Variants in SAE1 observed in about 807,000 individuals in gnomAD.
The protein encoded by SAE1 is SUMO1 activating enzyme subunit 1, also known as SUMO-activating enzyme subunit 1.
In SAE1, 11 loss-of-function variants were observed where a neutral mutation model predicts 40.6. The ratio of observed to expected loss-of-function variants is 0.27; its 90% CI spans 0.17 to 0.45. The LOEUF (loss-of-function observed/expected upper bound fraction) is 0.45. Among genes scored for constraint, SAE1 ranks in the 20% least tolerant of loss-of-function variants. SAE1 has a pLI of 1.00. For synonymous variants in SAE1, 155 were observed against 154.3 expected (o/e 1.00, Z -0.03); for missense variants, 373 against 427.3 (o/e 0.87, Z 1.12).
chr19:47,183,485 T>G (rs1204714756), intron 6 of SAE1, among the ~76,000 whole-genome samples: 2 of 152,174 alleles, frequency 1.3e-5, no homozygotes, highest in South Asian at 2.1e-4. Flanking sequence ...TTATGATGAT[T>G]ATTTTGTCTA....
At chr19:47,194,899 C>T (rs747115514) in intron 6 of SAE1, among the ~76,000 whole-genome samples, 11 of 152,004 alleles carry the variant, frequency 7.2e-5, no homozygotes, top group Non-Finnish European at 1.3e-4. Context: ...TGCGCCACCA[C>T]GCCTGGCTAA....
chr19:47,205,777 G>A (rs1042915048), intron 8 of SAE1, among the ~76,000 whole-genome samples: 12 of 152,194 alleles, frequency 7.9e-5, no homozygotes, highest in African/African-American at 2.9e-4. Flanking sequence ...GCCCTATGAG[G>A]TAGGAACTCC....
At chr19:47,195,406 T>G (rs2058607352) in intron 6 of SAE1, among the ~76,000 whole-genome samples, 1 of 152,210 alleles carries the variant, frequency 6.6e-6, no homozygotes, top group Non-Finnish European at 1.5e-5. Flanking sequence ...AGTTATAGCC[T>G]TGTTGGGGTC....
At chr19:47,180,312 G>A (rs763107729) in intron 6 of SAE1, 1 of 455,802 alleles carries the variant, frequency 2.2e-6, no homozygotes, top group South Asian at 1.5e-5. Context: ...AGGTGAGCTT[G>A]GAATATCCTG....
intron 1 of SAE1, among the ~76,000 whole-genome samples, chr19:47,131,585 C>T (rs1459780535): frequency 6.6e-6 from 1 of 150,648 alleles, no homozygotes; most frequent in African/African-American, 2.4e-5. Context: ...CTCGGAGAGG[C>T]TGGAGGGGGA....
intron 5 of SAE1, among the ~76,000 whole-genome samples, chr19:47,160,388 ATTTTTT>A (rs34266912): frequency 2.7e-5 from 2 of 75,080 alleles, no homozygotes; most frequent in Non-Finnish European, 2.7e-5. Context: ...CGCCCAGCTA[ATTTTTT>A]TTTTTTTTTT....
intron 5 of SAE1, among the ~76,000 whole-genome samples, chr19:47,166,710 C>G (rs991234680): frequency 6.6e-6 from 1 of 152,104 alleles, no homozygotes; most frequent in Admixed American, 6.5e-5. Context: ...GATGGCATTC[C>G]CAGACCATAT....
intron 5 of SAE1, among the ~76,000 whole-genome samples, chr19:47,162,182 G>A (rs1460272293): frequency 6.6e-6 from 1 of 152,024 alleles, no homozygotes; most frequent in African/African-American, 2.4e-5. Flanking sequence ...TTTTATTTTT[G>A]TTTTTTGCTA....
chr19:47,174,108 A>C (rs1049907204), intron 6 of SAE1, among the ~76,000 whole-genome samples: 1 of 151,814 alleles, frequency 6.6e-6, no homozygotes, highest in Non-Finnish European at 1.5e-5. Flanking sequence ...TCCATCCCTC[A>C]GTGGGTATTA....
chr19:47,136,798 A>T (rs1317352827), intron 1 of SAE1, among the ~76,000 whole-genome samples: 1 of 152,072 alleles, frequency 6.6e-6, no homozygotes, highest in Non-Finnish European at 1.5e-5. Context: ...CCTTCACCTG[A>T]GTCTTATAGC....
Position 47,160,370 on chromosome 19 carries a change from C to A in SAE1, c.627+5157C>A, listed in dbSNP as rs140785718. Among the ~76,000 whole-genome samples the A allele has an allele frequency of 9.6e-4, 143 of 148,968 alleles. No homozygotes were observed. In the East Asian group the frequency reaches 0.022, roughly 23 times the overall value. On this transcript the variant is annotated intron_variant, in intron 5 of 8. Coordinates refer to ENST00000270225, the MANE Select transcript of SAE1 (RefSeq NM_005500.3). The stretch of plus-strand genomic sequence containing the variant: ...CCGAGTAGCTGGAACTACAGGTGCG[C>A]GCCACCACGCCCAGCTAATTTTTTT...
chr19:47,179,882 G>A (rs1407864136), intron 6 of SAE1, among the ~76,000 whole-genome samples: 2 of 152,084 alleles, frequency 1.3e-5, no homozygotes, highest in Non-Finnish European at 2.9e-5. Flanking sequence ...CACAGTGATA[G>A]GGGTTAGCAA....
rs769656956 is a variant in SAE1 at position 47,165,076 on chromosome 19, CTTTTTTTTTTT to C, written c.628-4727_628-4717del. Among the ~76,000 whole-genome samples the C allele has an allele frequency of 1.5e-4, 9 of 59,074 alleles. 1 individual carries two copies. In the South Asian group the frequency reaches 4.6e-3, roughly 30 times the overall value. 38.8% of individuals were successfully genotyped at this position (59,074 alleles called of 152,430 possible). On this transcript the variant is annotated intron_variant, in intron 5 of 8. Coordinates refer to ENST00000270225, the MANE Select transcript of SAE1 (RefSeq NM_005500.3). ...CTGGGATTACAGGCATGAGCCAAGTCTTTTTTTTTTTTTTTTTTTTTTTTTGAGACGGAGTC... is the reference window on the plus strand; with the variant it reads ...CTGGGATTACAGGCATGAGCCAAGTCTTTTTTTTTTTTTTGAGACGGAGTC...
At position 47,166,440 on chromosome 19, in the gene SAE1, T is replaced by C. The variant is rs2058392779; in HGVS notation, c.628-3378T>C. Among the ~76,000 whole-genome samples, 2 of 152,152 alleles carry C rather than the reference T, an allele frequency of 1.3e-5. 1 individual carries two copies. Among genetic ancestry groups the C allele is most frequent in the South Asian group, 4.1e-4 (2 of 4,832 alleles). ...TCATTTAATAGCTTGTTAGTGTGAT[T>C]TATAACTAAATATGTAGACATCATA... is the stretch of plus-strand genomic sequence containing the variant. On this transcript the variant is annotated intron_variant, in intron 5 of 8. Transcript: ENST00000270225.
intron 6 of SAE1, among the ~76,000 whole-genome samples, chr19:47,179,501 G>GAA (rs201512346): frequency 1.6e-5 from 2 of 127,874 alleles, no homozygotes; most frequent in East Asian, 2.3e-4. Context: ...AGCATCTTAA[G>GAA]AAAAAAAAAA....
intron 6 of SAE1, among the ~76,000 whole-genome samples, chr19:47,191,593 G>T (rs1252203849): frequency 2.0e-5 from 3 of 152,196 alleles, no homozygotes; most frequent in Non-Finnish European, 2.9e-5. Context: ...CTTTCCAGGT[G>T]CAAGGTGATG....
intron 3 of SAE1, 48 bp from the exon 4 acceptor site, chr19:47,152,850 T>A: frequency 6.3e-7 from 1 of 1,589,894 alleles, no homozygotes; most frequent in African/African-American, 1.3e-5. Flanking sequence ...AGGGCAGTGA[T>A]TCACAGTTTG....
intron 6 of SAE1, among the ~76,000 whole-genome samples, chr19:47,176,166 T>C (rs2058467439): frequency 6.6e-6 from 1 of 152,196 alleles, no homozygotes; most frequent in Non-Finnish European, 1.5e-5. Flanking sequence ...GCGTAAATGG[T>C]AGGGGAAGAG....
chr19:47,185,768 A>G (rs1320978310), intron 6 of SAE1, among the ~76,000 whole-genome samples: 1 of 149,982 alleles, frequency 6.7e-6, no homozygotes, highest in Non-Finnish European at 1.5e-5. Context: ...CACCCGGCTA[A>G]TTTTTGTATT....
Sources: allele counts gnomAD v4.1 joint callset (sites outside exome capture counted in the v4.1 genomes callset), GRCh38; gene constraint gnomAD v4.1.1; transcripts MANE v1.5; gene names NCBI Gene and HGNC (gene_info 2026-07-23, HGNC 2026-07-21).